The following MTFR1 variants were observed in gnomAD, a reference collection of about 807,000 sequenced individuals.
The protein encoded by MTFR1 is mitochondrial fission regulator 1, also known as chondrocyte protein with a poly-proline region.
A neutral mutation model predicts 38.8 loss-of-function variants in MTFR1; 28 were observed. That is an observed-to-expected ratio of 0.72 (90% CI 0.53 to 0.99). The LOEUF (loss-of-function observed/expected upper bound fraction) is 0.99. MTFR1 is among the 50% of genes least tolerant of loss of function. The probability of loss-of-function intolerance (pLI) is 0.00; values close to 1 mark genes in which losing one functional copy is unlikely to be tolerated. For missense variants in MTFR1, 358 were observed against 395.5 expected, an observed-to-expected ratio of 0.91 and a Z score of 0.81; for synonymous variants, 145 against 137.0, an observed-to-expected ratio of 1.06 and a Z score of -0.41.
chr8:65,740,632 C>T (rs1305438594), intron 3 of MTFR1, among the ~76,000 whole-genome samples: 2 of 152,248 alleles, frequency 1.3e-5, no homozygotes, highest in Admixed American at 6.5e-5. Context: ...GAACTCCTGA[C>T]CTTGTGATCC....
chr8:65,709,062 A>G lies in MTFR1; in HGVS notation c.*18A>G. ...ACTCCTAATAGACAATGAGCTGCGA[A>G]AAGACTCCTGGTTCCCCTGTTGATT... On this transcript the variant is annotated 3_prime_UTR_variant, in exon 8 of 8. Transcript: ENST00000262146. The G allele has an allele frequency of 6.2e-7, 1 of 1,612,720 alleles. No homozygotes were observed. Among genetic ancestry groups the G allele is most frequent in the Non-Finnish European group, 8.5e-7 (1 of 1,178,770 alleles).
chr8:65,753,204 G>A (rs1029790973), intron 3 of MTFR1, among the ~76,000 whole-genome samples: 4 of 152,140 alleles, frequency 2.6e-5, no homozygotes, highest in African/African-American at 7.2e-5. Context: ...TGCTGTGCCA[G>A]TTTCCTTTTT....
downstream of MTFR1, among the ~76,000 whole-genome samples, chr8:65,711,536 G>C (rs1033279079): frequency 6.6e-6 from 1 of 152,150 alleles, no homozygotes; most frequent in African/African-American, 2.4e-5. Context: ...TTCAATTGCA[G>C]TAGGTTCCTG....
intron 3 of MTFR1, among the ~76,000 whole-genome samples, chr8:65,684,674 C>T (rs933866818): frequency 5.3e-5 from 8 of 151,790 alleles, no homozygotes; most frequent in Admixed American, 3.3e-4. Context: ...CGTGAGCCAC[C>T]GCACCTGGCC....
chr8:65,646,975 G>A (rs539157538), intron 1 of MTFR1, among the ~76,000 whole-genome samples: 1 of 152,304 alleles, frequency 6.6e-6, no homozygotes, highest in Non-Finnish European at 1.5e-5. Context: ...TTGGAGTTTA[G>A]GAATCCTACT....
rs386352331 is a variant in MTFR1 at position 65,693,722 on chromosome 8, G to A, written c.244G>A (p.Val82Ile). The A allele has an allele frequency of 2.5e-6, 4 of 1,614,002 alleles. No homozygotes were observed. Among genetic ancestry groups the A allele is most frequent in the African/African-American group, 1.3e-5 (1 of 74,932 alleles). Reference protein sequence around the residue: ...AVASFADVGWVAKEEGECSAR... With the variant: ...AVASFADVGWIAKEEGECSAR... ...GGCGTCTTTTGCTGATGTTGGATGG[G>A]TAGCCAAAGAAGAAGGAGAGTGTTC... Residue 82 changes from valine to isoleucine, a missense_variant, in exon 4 of 8, where the codon GTA becomes ATA. Physicochemically the swap from Val to Ile is conservative, Grantham distance 29. Coordinates refer to ENST00000262146, the MANE Select transcript of MTFR1 (RefSeq NM_014637.4).
chr8:65,722,337 AC>A (rs1433517344), intron 3 of MTFR1: 1 of 152,224 alleles, frequency 6.6e-6, no homozygotes, highest in Non-Finnish European at 1.5e-5. Context: ...ATCGGCCACT[AC>A]CCACTTTCTT....
At chr8:65,716,983 G>GT (rs1806166360) in intron 2 of MTFR1, among the ~76,000 whole-genome samples, 1 of 152,158 alleles carries the variant, frequency 6.6e-6, no homozygotes, top group African/African-American at 2.4e-5. Context: ...GAGATGTGCT[G>GT]TAAGTACACA....
intron 3 of MTFR1, among the ~76,000 whole-genome samples, chr8:65,747,396 T>G (rs1194744384): frequency 2.0e-5 from 3 of 152,234 alleles, no homozygotes; most frequent in Non-Finnish European, 4.4e-5. Flanking sequence ...AATGTTTTAT[T>G]GATCTCCTTG....
intron 7 of MTFR1, 112 bp from the exon 8 acceptor site, chr8:65,708,864 G>T: frequency 1.0e-6 from 1 of 964,850 alleles, no homozygotes; most frequent in Non-Finnish European, 1.6e-6. Context: ...GTAGTTGCTT[G>T]GTTTTTCATG....
Position 65,709,121 on chromosome 8 carries a change from C to A in MTFR1, c.*77C>A. On this transcript the variant is annotated 3_prime_UTR_variant, in exon 8 of 8. Transcript: ENST00000262146. Reference sequence around the variant, plus strand: ...CCAAGTTTGCTAGTAGAAATCGACACTGTTTAGTAAATACCTCTTTAGTAT... The same window carrying A: ...CCAAGTTTGCTAGTAGAAATCGACAATGTTTAGTAAATACCTCTTTAGTAT... 1 of 1,281,828 alleles carries A rather than the reference C, an allele frequency of 7.8e-7. No individual in the cohort carries two copies. Among genetic ancestry groups the A allele is most frequent in the Non-Finnish European group, 1.1e-6 (1 of 878,322 alleles). The allele number at this position is 1,281,828 out of a possible 1,614,324, so 79.4% of individuals were successfully genotyped here.
chr8:65,713,071 C>T (rs1298733910), downstream of MTFR1, among the ~76,000 whole-genome samples: 1 of 152,158 alleles, frequency 6.6e-6, no homozygotes, highest in Non-Finnish European at 1.5e-5. Flanking sequence ...TTGATGGGAC[C>T]AGTGGAAAGC....
At chr8:65,698,879 C>T (rs544811630) in intron 4 of MTFR1, among the ~76,000 whole-genome samples, 20 of 152,272 alleles carry the variant, frequency 1.3e-4, no homozygotes, top group East Asian at 3.9e-4. Flanking sequence ...CAGGCGTGCA[C>T]GACCACGCCC....
At chr8:65,752,204 T>G (rs1808002648) in intron 3 of MTFR1, among the ~76,000 whole-genome samples, 1 of 152,206 alleles carries the variant, frequency 6.6e-6, no homozygotes, top group South Asian at 2.1e-4. Flanking sequence ...CAGAGCATAT[T>G]TTTTTCCTTT....
At chr8:65,757,323 A>G (rs1217113819) in intron 3 of MTFR1, among the ~76,000 whole-genome samples, 2 of 152,268 alleles carry the variant, frequency 1.3e-5, no homozygotes, top group Admixed American at 1.3e-4. Context: ...GTTACAAGCC[A>G]GGAATTGTGG....
intron 1 of MTFR1, among the ~76,000 whole-genome samples, chr8:65,655,969 C>CATATATATA: frequency 0.012 from 652 of 56,476 alleles, 133 homozygotes; most frequent in African/African-American, 0.062. Flanking sequence ...TATATATATA[C>CATATATATA]CATATATATA....
chr8:65,757,715 T>C (rs149250743), intron 3 of MTFR1, among the ~76,000 whole-genome samples: 5,994 of 152,246 alleles, frequency 0.039, 175 homozygotes, highest in Non-Finnish European at 0.06. Flanking sequence ...GCTTCCCGGG[T>C]CCAAGTGATT....
At chr8:65,662,712 C>A (rs1389691916) in intron 1 of MTFR1, among the ~76,000 whole-genome samples, 2 of 143,066 alleles carry the variant, frequency 1.4e-5, no homozygotes, top group Non-Finnish European at 3.2e-5. Flanking sequence ...CCGGCAGCCA[C>A]ACCGTCTGAG....
chr8:65,723,176 C>G (rs560816083), intron 3 of MTFR1: 2 of 156,040 alleles, frequency 1.3e-5, no homozygotes, highest in South Asian at 2.0e-4. Flanking sequence ...TGGGTCACCA[C>G]CTATCCATTT....
Sources: gnomAD v4.1 joint callset for allele counts (sites outside exome capture counted in the v4.1 genomes callset) on GRCh38, gnomAD v4.1.1 for gene constraint, MANE v1.5 for transcripts, NCBI Gene and HGNC (gene_info 2026-07-23, HGNC 2026-07-21) for gene names.